The following GALNT14 variants were observed in gnomAD, a reference collection of about 807,000 sequenced individuals.
The protein encoded by GALNT14 is UDP-GalNAc:polypeptide N-acetylgalactosaminyltransferase 14.
A neutral mutation model predicts 77.5 loss-of-function variants in GALNT14; 60 were observed. The ratio of observed to expected loss-of-function variants is 0.77; its 90% CI spans 0.63 to 0.96. The LOEUF (loss-of-function observed/expected upper bound fraction) is 0.96, where lower values mean the gene tolerates loss of function less well. Ranked by LOEUF, GALNT14 falls within the 40% of genes least tolerant of loss-of-function variation. The pLI is 0.00. For missense variants in GALNT14, 710 were observed against 731.0 expected, an observed-to-expected ratio of 0.97 and a Z score of 0.33; for synonymous variants, 280 against 281.7, an observed-to-expected ratio of 0.99 and a Z score of 0.06.
chr2:31,068,078 A>G (rs1026597439), intron 1 of GALNT14, among the ~76,000 whole-genome samples: 3 of 152,272 alleles, frequency 2.0e-5, no homozygotes, highest in African/African-American at 7.2e-5. Flanking sequence ...CCTGCCCAGA[A>G]AGGGATTCCA....
At chr2:30,993,216 T>G (rs1294912527) in intron 1 of GALNT14, among the ~76,000 whole-genome samples, 1 of 152,196 alleles carries the variant, frequency 6.6e-6, no homozygotes, top group African/African-American at 2.4e-5. Flanking sequence ...TCTGAGCACT[T>G]CTATATACTG....
At chr2:31,064,705 G>C (rs1232574743) in intron 1 of GALNT14, among the ~76,000 whole-genome samples, 1 of 152,018 alleles carries the variant, frequency 6.6e-6, no homozygotes, top group Non-Finnish European at 1.5e-5. Context: ...ACCTGAGATA[G>C]ACAACAGTCA....
intron 11 of GALNT14, among the ~76,000 whole-genome samples, chr2:30,927,794 G>A (rs1665479761): frequency 1.3e-5 from 2 of 152,178 alleles, no homozygotes; most frequent in South Asian, 4.1e-4. Context: ...GCTAGGAGAG[G>A]CAGCAGGGCC....
chr2:31,048,168 T>C (rs1673597496), intron 1 of GALNT14, among the ~76,000 whole-genome samples: 1 of 152,232 alleles, frequency 6.6e-6, no homozygotes, highest in Non-Finnish European at 1.5e-5. Context: ...GAAGGGGATG[T>C]GCAGAGTCAG....
At chr2:30,978,059 C>A (rs1428797954) in intron 2 of GALNT14, among the ~76,000 whole-genome samples, 3 of 152,204 alleles carry the variant, frequency 2.0e-5, no homozygotes, top group African/African-American at 7.2e-5. Context: ...AAACCTTCAC[C>A]AGCATCTCAA....
chr2:31,010,529 G>A (rs1324148279), intron 1 of GALNT14, among the ~76,000 whole-genome samples: 1 of 152,172 alleles, frequency 6.6e-6, no homozygotes, highest in Non-Finnish European at 1.5e-5. Flanking sequence ...GCAGGAGAAT[G>A]GCGTGAACCC....
intron 1 of GALNT14, among the ~76,000 whole-genome samples, chr2:31,101,903 G>A (rs1310470714): frequency 6.6e-6 from 1 of 151,994 alleles, no homozygotes; most frequent in Non-Finnish European, 1.5e-5. Context: ...CATGAGAGCC[G>A]ATGGTTTTAT....
At chr2:31,037,903 AAAGATTAGATCCTTCTTAGGGC>A (rs1384843095) in intron 1 of GALNT14, among the ~76,000 whole-genome samples, 1 of 151,656 alleles carries the variant, frequency 6.6e-6, no homozygotes, top group African/African-American at 2.4e-5. Context: ...GCCAAAGGTG[AAAGATTAGATCCTTCTTAGGGC>A]TTTCCTGAGT....
chr2:30,970,160 G>A (rs1247820249), intron 2 of GALNT14, among the ~76,000 whole-genome samples: 1 of 152,172 alleles, frequency 6.6e-6, no homozygotes, highest in African/African-American at 2.4e-5. Context: ...AGATCTCACA[G>A]GGGCTGGAAA....
chr2:30,909,970 A>G (rs1330468133), downstream of GALNT14, among the ~76,000 whole-genome samples: 1 of 150,908 alleles, frequency 6.6e-6, no homozygotes, highest in Non-Finnish European at 1.5e-5. Flanking sequence ...ACAAAAAACC[A>G]AACACCACAT....
intron 13 of GALNT14, among the ~76,000 whole-genome samples, chr2:30,919,552 TAG>T (rs1359957280): frequency 1.5e-4 from 23 of 152,342 alleles, no homozygotes; most frequent in African/African-American, 5.5e-4. Context: ...TTGAGGACCC[TAG>T]AGTCTCCAGG....
At chr2:31,059,626 G>C (rs535711887) in intron 1 of GALNT14, among the ~76,000 whole-genome samples, 33 of 152,270 alleles carry the variant, frequency 2.2e-4, no homozygotes, top group African/African-American at 7.5e-4. Context: ...GATTGCTTGA[G>C]CCCAGGAGTT....
At chr2:31,056,347 G>A (rs1224205838) in intron 1 of GALNT14, among the ~76,000 whole-genome samples, 1 of 152,214 alleles carries the variant, frequency 6.6e-6, no homozygotes, top group Non-Finnish European at 1.5e-5. Flanking sequence ...ACTTGCCTCA[G>A]AAGTGTGGTC....
chr2:31,100,447 T>C (rs1677213139), intron 1 of GALNT14, among the ~76,000 whole-genome samples: 1 of 152,054 alleles, frequency 6.6e-6, no homozygotes. Flanking sequence ...TTTTATTGTT[T>C]GAAACAGTTT....
intron 1 of GALNT14, among the ~76,000 whole-genome samples, chr2:31,060,679 T>C (rs2148540312): frequency 6.6e-6 from 1 of 152,268 alleles, no homozygotes; most frequent in South Asian, 2.1e-4. Context: ...ATGGTGCAGC[T>C]GGGGTGATGT....
At position 30,924,766 on chromosome 2, in the gene GALNT14, G is replaced by GTA; in HGVS notation, c.1207_1208dup (p.Leu404ThrfsTer42). 2 of 1,614,054 alleles carry GTA rather than the reference G, an allele frequency of 1.2e-6. No individual in the cohort carries two copies. The highest frequency in any genetic ancestry group is 2.2e-5 in the South Asian group (2 of 91,074). ...TGAGTTCAGGGTAGATATTCTCCAG[G>GTA]TACCACTTGAAGCTCTGGCAGCGCA... On this transcript the variant is annotated frameshift_variant, in exon 12 of 15. Transcript: ENST00000349752. LOFTEE classifies it high-confidence loss of function.
At chr2:31,043,886 A>G (rs1298991202) in intron 1 of GALNT14, among the ~76,000 whole-genome samples, 1 of 152,174 alleles carries the variant, frequency 6.6e-6, no homozygotes, top group Non-Finnish European at 1.5e-5. Context: ...AACAGTGATG[A>G]AATCAGTGGT....
At chr2:31,078,488 G>C (rs1318226947) in intron 1 of GALNT14, among the ~76,000 whole-genome samples, 1 of 152,196 alleles carries the variant, frequency 6.6e-6, no homozygotes, top group African/African-American at 2.4e-5. Flanking sequence ...AGCCAACTAA[G>C]TGGCTTATAG....
intron 2 of GALNT14, among the ~76,000 whole-genome samples, chr2:30,982,903 G>A (rs1432191892): frequency 6.6e-6 from 1 of 152,146 alleles, no homozygotes; most frequent in Non-Finnish European, 1.5e-5. Context: ...CACTGAACTG[G>A]GACATGGAAA....
Sources: gnomAD v4.1 joint callset for allele counts (sites outside exome capture counted in the v4.1 genomes callset) on GRCh38, gnomAD v4.1.1 for gene constraint, MANE v1.5 for transcripts, NCBI Gene and HGNC (gene_info 2026-07-23, HGNC 2026-07-21) for gene names.